The following SSBP3 variants were observed in gnomAD, a reference collection of about 807,000 sequenced individuals.
SSBP3 encodes the protein single-stranded DNA-binding protein 3.
In SSBP3, 5 loss-of-function variants were observed where a neutral mutation model predicts 69.6. That is an observed-to-expected ratio of 0.07 (90% CI 0.04 to 0.15). The LOEUF is 0.15. Among genes scored for constraint, SSBP3 ranks in the 10% least tolerant of loss-of-function variants. SSBP3 has a pLI of 1.00. For missense variants in SSBP3, 312 were observed against 534.0 expected, an observed-to-expected ratio of 0.58 and a Z score of 4.10; for synonymous variants, 196 against 193.4, an observed-to-expected ratio of 1.01 and a Z score of -0.11.
chr1:54,352,510 C>G (rs1466923929), intron 4 of SSBP3, among the ~76,000 whole-genome samples: 1 of 152,146 alleles, frequency 6.6e-6, no homozygotes, highest in African/African-American at 2.4e-5. Flanking sequence ...CAGCTTCAAA[C>G]CCCTTCCTCC....
At chr1:54,323,334 A>G (rs1485532721) in intron 4 of SSBP3, among the ~76,000 whole-genome samples, 2 of 152,238 alleles carry the variant, frequency 1.3e-5, no homozygotes, top group Non-Finnish European at 2.9e-5. Flanking sequence ...CTACTCCAGG[A>G]AACAGAGGCA....
chr1:54,236,554 C>T (rs886496568), intron 14 of SSBP3: 6 of 152,346 alleles, frequency 3.9e-5, no homozygotes, highest in African/African-American at 7.2e-5. Flanking sequence ...GGGTTACAGG[C>T]GTAAGCCAAC....
At chr1:54,389,647 C>G (rs997768918) in intron 4 of SSBP3, among the ~76,000 whole-genome samples, 1 of 151,978 alleles carries the variant, frequency 6.6e-6, no homozygotes, top group African/African-American at 2.4e-5. Context: ...TGCTTGAGGC[C>G]AGGAGTTTGA....
At chr1:54,231,387 C>T (rs983002737) in intron 14 of SSBP3, among the ~76,000 whole-genome samples, 1 of 152,204 alleles carries the variant, frequency 6.6e-6, no homozygotes, top group Non-Finnish European at 1.5e-5. Context: ...TGGGTTATTA[C>T]TGAGTTTTTC....
intron 4 of SSBP3, among the ~76,000 whole-genome samples, chr1:54,357,194 G>A (rs1373238598): frequency 6.6e-6 from 1 of 152,150 alleles, no homozygotes; most frequent in Non-Finnish European, 1.5e-5. Context: ...AAGGCAGTGC[G>A]AGTGAGGAAG....
chr1:54,270,888 C>T (rs567563478), intron 5 of SSBP3, among the ~76,000 whole-genome samples: 1 of 152,142 alleles, frequency 6.6e-6, no homozygotes, highest in South Asian at 2.1e-4. Context: ...AACCCATGTG[C>T]CCACCCAGGC....
At chr1:54,334,986 C>G (rs1390207850) in intron 4 of SSBP3, among the ~76,000 whole-genome samples, 1 of 152,168 alleles carries the variant, frequency 6.6e-6, no homozygotes, top group Non-Finnish European at 1.5e-5. Context: ...AACTAATAAG[C>G]TCTGACTCAA....
chr1:54,383,111 T>C (rs1359664590), intron 4 of SSBP3, among the ~76,000 whole-genome samples: 2 of 151,792 alleles, frequency 1.3e-5, no homozygotes, highest in African/African-American at 2.4e-5. Flanking sequence ...CAGTGGCTCA[T>C]GCCTGTAATC....
At chr1:54,358,739 C>T (rs1646907289) in intron 4 of SSBP3, among the ~76,000 whole-genome samples, 1 of 152,144 alleles carries the variant, frequency 6.6e-6, no homozygotes, top group Admixed American at 6.5e-5. Context: ...GGGAGGGCAT[C>T]CCAGCAGTGT....
chr1:54,285,355 AACATTACGCTGAATCCCTGC>A (rs1216881512), intron 4 of SSBP3: 2 of 152,168 alleles, frequency 1.3e-5, no homozygotes, highest in African/African-American at 4.8e-5. Flanking sequence ...CACATCTATG[AACATTACGCTGAATCCCTGC>A]ACCAACCCTC....
chr1:54,387,808 G>A (rs1648198376), intron 4 of SSBP3, among the ~76,000 whole-genome samples: 1 of 152,138 alleles, frequency 6.6e-6, no homozygotes, highest in South Asian at 2.1e-4. Context: ...CAACTTCAGA[G>A]TGAGCTTCAG....
chr1:54,245,625 C>T lies in SSBP3; in HGVS notation c.652-2326G>A, dbSNP rs1471024058. On this transcript the variant is annotated intron_variant, in intron 9 of 17. Coordinates refer to ENST00000610401, the Ensembl canonical transcript of SSBP3. Reference sequence around the variant, plus strand: ...GATGCAGATGATCTCAGGAGCAACACCAGGCTGGCTGACAAAGAGCCAGAC... The same window carrying T: ...GATGCAGATGATCTCAGGAGCAACATCAGGCTGGCTGACAAAGAGCCAGAC... Among the ~76,000 whole-genome samples the T allele has an allele frequency of 2.0e-5, 3 of 152,198 alleles. No individual in the cohort carries two copies. In the East Asian group the frequency reaches 5.8e-4, roughly 29 times the overall value.
intron 5 of SSBP3, among the ~76,000 whole-genome samples, chr1:54,273,103 G>A (rs1053715223): frequency 1.3e-5 from 2 of 152,260 alleles, no homozygotes; most frequent in Admixed American, 1.3e-4. Flanking sequence ...CTGCGTTAGG[G>A]GGCAGTCAAG....
At chr1:54,313,417 C>T (rs932786348) in intron 4 of SSBP3, among the ~76,000 whole-genome samples, 1 of 149,082 alleles carries the variant, frequency 6.7e-6, no homozygotes, top group African/African-American at 2.5e-5. Flanking sequence ...GGGCTCACAC[C>T]GAAGCTGTGT....
At chr1:54,383,250 A>T (rs1647817549) in intron 4 of SSBP3, among the ~76,000 whole-genome samples, 1 of 150,698 alleles carries the variant, frequency 6.6e-6, no homozygotes, top group Non-Finnish European at 1.5e-5. Flanking sequence ...TGGTGGCGTG[A>T]GCCTGTAGTC....
intron 4 of SSBP3, among the ~76,000 whole-genome samples, chr1:54,312,896 C>T (rs1254120403): frequency 6.6e-6 from 1 of 151,948 alleles, no homozygotes; most frequent in East Asian, 1.9e-4. Context: ...GTCTCTTCCA[C>T]TTTGAATCCA....
At chr1:54,263,363 T>C (rs1287481230) in intron 5 of SSBP3, among the ~76,000 whole-genome samples, 1 of 152,174 alleles carries the variant, frequency 6.6e-6, no homozygotes, top group Non-Finnish European at 1.5e-5. Flanking sequence ...AGCGCCCACA[T>C]TATGCGGGCC....
At chr1:54,374,885 C>T (rs11578268) in intron 4 of SSBP3, among the ~76,000 whole-genome samples, 3,244 of 152,242 alleles carry the variant, frequency 0.021, 56 homozygotes, top group Non-Finnish European at 0.033. Context: ...GTCATACAGC[C>T]GAAGCACAAG....
chr1:54,333,406 C>CA lies in SSBP3; in HGVS notation c.277-51880dup, dbSNP rs531039187. Among the ~76,000 whole-genome samples the CA allele has an allele frequency of 1.1e-4, 17 of 152,194 alleles. No homozygotes were observed. The East Asian group carries it at 2.9e-3, about 26-fold the overall frequency. ...CCAAACAGGACAGCCATCATCCTGCCAAAAAACACCGTCAGATTTCTCACC... is the reference window on the plus strand; with the variant it reads ...CCAAACAGGACAGCCATCATCCTGCCAAAAAAACACCGTCAGATTTCTCACC... On this transcript the variant is annotated intron_variant, in intron 4 of 17. Transcript: ENST00000610401.
Sources: gnomAD v4.1 joint callset for allele counts (sites outside exome capture counted in the v4.1 genomes callset) on GRCh38, gnomAD v4.1.1 for gene constraint, MANE v1.5 for transcripts, NCBI Gene and HGNC (gene_info 2026-07-23, HGNC 2026-07-21) for gene names.